The following GBP1 variants were observed in gnomAD, a reference collection of about 807,000 sequenced individuals.
The protein encoded by GBP1 is guanylate binding protein 1.
A neutral mutation model predicts 69.5 loss-of-function variants in GBP1; 64 were observed. The observed-to-expected ratio is 0.92, with a 90% CI of 0.75 to 1.13. The LOEUF is 1.13. Ranked by LOEUF, GBP1 falls within the 50% of genes most tolerant of loss-of-function variation. The probability of loss-of-function intolerance (pLI) is 0.00; values close to 1 mark genes in which losing one functional copy is unlikely to be tolerated. For synonymous variants in GBP1, 250 were observed against 261.2 expected (o/e 0.96, Z 0.41); for missense variants, 630 against 704.1 (o/e 0.89, Z 1.19).
At chr1:89,058,662 A>G (rs1342404118) in intron 5 of GBP1, 179 bp downstream of exon 5, 1 of 678,658 alleles carries the variant, frequency 1.5e-6, no homozygotes, top group African/African-American at 1.8e-5. Flanking sequence ...TAGAACAATG[A>G]CAAATGTAAT....
rs1680247134 is a variant in GBP1, at chr1:89,063,209, C to T, written c.26G>A (p.Gly9Asp). MASEIHMT[G>D]PMCLIENTNG... ...AGTGTTCTCAATGAGGCACATTGGG[C>T]CTGTCATGTGGATCTCTGATGCCAT... Residue 9 changes from glycine to aspartate, a missense_variant, in exon 2 of 11, where the codon GGC (glycine) becomes GAC (aspartate). By Grantham distance (94) the Gly-to-Asp change is moderately conservative. Transcript: ENST00000370473. 2 of 1,613,992 alleles carry T rather than the reference C, an allele frequency of 1.2e-6. No individual in the cohort carries two copies. Among genetic ancestry groups the T allele is most frequent in the Non-Finnish European group, 1.7e-6 (2 of 1,179,922 alleles).
At chr1:89,060,901 A>C (rs1378285146) in intron 2 of GBP1, among the ~76,000 whole-genome samples, 3 of 152,266 alleles carry the variant, frequency 2.0e-5, no homozygotes, top group Non-Finnish European at 4.4e-5. Context: ...TTGCTAGTGT[A>C]AAAAATAGAA....
At chr1:89,058,753 A>T in intron 5 of GBP1, 88 bp downstream of exon 5, 1 of 1,440,162 alleles carries the variant, frequency 6.9e-7, no homozygotes, top group South Asian at 1.2e-5. Flanking sequence ...GAAAACTGCA[A>T]ATGCTGGAAA....
chr1:89,060,942 A>G (rs2101231727), intron 2 of GBP1, among the ~76,000 whole-genome samples: 1 of 152,374 alleles, frequency 6.6e-6, no homozygotes, highest in East Asian at 1.9e-4. Flanking sequence ...CCAATTTAAC[A>G]GCATCAAAAG....
rs1417173667 is a variant in GBP1, at chr1:89,053,485, G to A, written c.1666-17C>T. ...CTCCTGTTCCTAAAAAGGGACAAAC[G>A]AAGGCTGAGTAAAGTGTAGCATCAG... is the stretch of plus-strand genomic sequence containing the variant. On this transcript the variant is annotated splice_polypyrimidine_tract_variant and intron_variant, in intron 10 of 10. Transcript: ENST00000370473. 5 of 1,611,154 alleles carry A rather than the reference G, an allele frequency of 3.1e-6. No individual in the cohort carries two copies. In the African/African-American group the frequency reaches 4.0e-5, roughly 13 times the overall value.
chr1:89,057,881 A>T (rs1001797443), intron 6 of GBP1, 111 bp downstream of exon 6: 1 of 1,189,108 alleles, frequency 8.4e-7, no homozygotes, highest in Non-Finnish European at 1.2e-6. Flanking sequence ...TCTAGAATTT[A>T]ACACAAATAT....
At chr1:89,063,683 G>A (rs1442950966) in intron 1 of GBP1, among the ~76,000 whole-genome samples, 1 of 152,166 alleles carries the variant, frequency 6.6e-6, no homozygotes, top group Non-Finnish European at 1.5e-5. Context: ...ATAGTTTGAT[G>A]TTTACCCTTA....
In GBP1 at chr1:89,060,255, T is replaced by C. The variant is rs1680147132; in HGVS notation, c.260A>G (p.Lys87Arg). 1.2e-6 allele frequency: 2 copies of C among 1,602,242 alleles called. No individual in the cohort carries two copies. Among genetic ancestry groups the C allele is most frequent in the Non-Finnish European group, 1.7e-6 (2 of 1,175,136 alleles). The change falls in exon 3 of 11, where the codon AAG (lysine) becomes AGG (arginine). Residue 87 changes from lysine (K) to arginine (R), a missense_variant. By Grantham distance (26) the Lys-to-Arg change is conservative. Transcript: ENST00000370473. Reference protein sequence around the residue: ...GIWMWCVPHPKKPGHILVLLD... With the variant: ...GIWMWCVPHPRKPGHILVLLD... ...CAGAACTAGGATGTGGCCTGGCTTC[T>C]TGGGGTGGGGCACACACCACATCCA...
intron 5 of GBP1, 115 bp from the exon 6 acceptor site, chr1:89,058,349 ACT>A: frequency 1.1e-6 from 1 of 877,248 alleles, no homozygotes; most frequent in Non-Finnish European, 1.8e-6. Context: ...CAAGTATTCA[ACT>A]CTGTTATTGA....
Position 89,058,136 on chromosome 1 carries a change from G to A in GBP1, c.730C>T (p.Arg244Cys), listed in dbSNP as rs372549555. Residue 244 changes from arginine to cysteine, a missense_variant, in exon 6 of 11, where the codon CGC (arginine) becomes TGC (cysteine). Around this residue, in one of 5 missense-constraint regions of GBP1, gnomAD observed 367 missense variants for 369.5 expected, o/e 0.99. Coordinates refer to ENST00000370473, the MANE Select transcript of GBP1 (RefSeq NM_002053.3). Reference sequence around the variant, plus strand: ...TTCTCGAGCTGGGCAAGCTTCCTGCGGTGAACGGGCCGATCAAAGACAAAG... The same window carrying A: ...TTCTCGAGCTGGGCAAGCTTCCTGCAGTGAACGGGCCGATCAAAGACAAAG... ...KCFVFDRPVH[R>C]RKLAQLEKLQ... 1.6e-5 allele frequency: 26 copies of A among 1,614,092 alleles called. No individual in the cohort carries two copies. The highest frequency in any genetic ancestry group is 6.7e-5 in the Admixed American group (4 of 60,016).
chr1:89,059,546 T>C, intron 3 of GBP1, 120 bp from the exon 4 acceptor site: 3 of 1,057,522 alleles, frequency 2.8e-6, no homozygotes, highest in South Asian at 1.8e-5. Context: ...CTTTTTTTTT[T>C]TTTTTTTTAA....
Position 89,063,190 on chromosome 1 carries a change from C to T in GBP1, c.45G>A (p.Glu15=), listed in dbSNP as rs151095071. 4.2e-4 allele frequency: 674 copies of T among 1,614,076 alleles called. No individual in the cohort carries two copies. Among genetic ancestry groups the T allele is most frequent in the Middle Eastern group, 3.3e-3 (20 of 6,060 alleles). ...IHMTGPMCLI[E]NTNGRLMANP... ...TCGCCATCAGTCGCCCATTAGTGTT[C>T]TCAATGAGGCACATTGGGCCTGTCA... The change falls in exon 2 of 11, where the codon GAG becomes GAA. Residue 15 remains glutamate (E), a synonymous_variant. Coordinates refer to ENST00000370473, the MANE Select transcript of GBP1 (RefSeq NM_002053.3).
chr1:89,059,511 ATG>A, intron 3 of GBP1, 85 bp from the exon 4 acceptor site: 1 of 1,172,466 alleles, frequency 8.5e-7, no homozygotes, highest in East Asian at 2.5e-5. Context: ...CTATGTTCAT[ATG>A]TTAGAGGGTT....
intron 1 of GBP1, among the ~76,000 whole-genome samples, chr1:89,064,168 T>C (rs1680271289): frequency 6.8e-6 from 1 of 146,904 alleles, no homozygotes. Context: ...GGAGGAATAG[T>C]AGGAGTGGAG....
rs1282338331 is a variant in GBP1 at position 89,060,194 on chromosome 1, C to T, written c.318+3G>A. On this transcript the variant is annotated splice_donor_region_variant and intron_variant, in intron 3 of 10. Coordinates refer to ENST00000370473, the MANE Select transcript of GBP1 (RefSeq NM_002053.3). ...ACTCCACAACTGGATCCTTGAGTCTCACCTTCTCTACATCTCCCAGACCCT... is the reference window on the plus strand; with the variant it reads ...ACTCCACAACTGGATCCTTGAGTCTTACCTTCTCTACATCTCCCAGACCCT... 1 of 1,592,046 alleles carries T rather than the reference C, an allele frequency of 6.3e-7. No homozygotes were observed.
At position 89,053,470 on chromosome 1, in the gene GBP1, T is replaced by A. The variant is rs1183517443; in HGVS notation, c.1666-2A>T. ...CTCTTTTAGTAGTTGCTCCTGTTCC[T>A]AAAAAGGGACAAACGAAGGCTGAGT... On this transcript the variant is annotated splice_acceptor_variant, in intron 10 of 10. Coordinates refer to ENST00000370473, the MANE Select transcript of GBP1 (RefSeq NM_002053.3). LOFTEE classifies it high-confidence loss of function. The A allele has an allele frequency of 1.2e-6, 2 of 1,612,650 alleles. No individual in the cohort carries two copies. Among genetic ancestry groups the A allele is most frequent in the Middle Eastern group, 1.7e-4 (1 of 5,956 alleles).
intron 6 of GBP1, among the ~76,000 whole-genome samples, chr1:89,057,491 G>A (rs1680076046): frequency 6.6e-6 from 1 of 152,196 alleles, no homozygotes; most frequent in African/African-American, 2.4e-5. Context: ...TTCATAGTAA[G>A]CATTTGATCA....
In GBP1 at chr1:89,053,364, G is replaced by T; in HGVS notation, c.1770C>A (p.Thr590=). ...QTKMRRRKAC[T]IS Reference sequence around the variant, plus strand: ...AGGAAGGCTCTGGTCTTTAGCTTATGGTACATGCCTTTCGTCGTCTCATTT... The same window carrying T: ...AGGAAGGCTCTGGTCTTTAGCTTATTGTACATGCCTTTCGTCGTCTCATTT... The change falls in exon 11 of 11, where the codon ACC becomes ACA. Residue 590 remains threonine, a synonymous_variant. Transcript: ENST00000370473. 1 of 1,612,606 alleles carries T rather than the reference G, an allele frequency of 6.2e-7. No homozygotes were observed. The highest frequency in any genetic ancestry group is 8.5e-7 in the Non-Finnish European group (1 of 1,179,512).
At chr1:89,062,971 C>T in intron 2 of GBP1, 74 bp downstream of exon 2, 2 of 1,566,606 alleles carry the variant, frequency 1.3e-6, no homozygotes, top group African/African-American at 2.7e-5. Flanking sequence ...TTTCTCTCCT[C>T]ACATCTTCAT....
Sources: gnomAD v4.1 joint callset for allele counts (sites outside exome capture counted in the v4.1 genomes callset) on GRCh38, gnomAD v4.1.1 for gene constraint, gnomAD v4.1.1 regional missense constraint, MANE v1.5 for transcripts, NCBI Gene and HGNC (gene_info 2026-07-23, HGNC 2026-07-21) for gene names.